The following CHDH variants were observed in gnomAD, a reference collection of about 807,000 sequenced individuals.
The protein encoded by CHDH is choline dehydrogenase, mitochondrial.
CHDH carries 43 observed loss-of-function variants against 56.9 expected under a neutral mutation model. That is an observed-to-expected ratio of 0.76 (90% CI 0.59 to 0.97). The LOEUF is 0.97. Ranked by LOEUF, CHDH falls within the 50% of genes least tolerant of loss-of-function variation. CHDH has a pLI of 0.00. For missense variants in CHDH, 816 were observed against 821.1 expected, an observed-to-expected ratio of 0.99 and a Z score of 0.08; for synonymous variants, 364 against 348.5, an observed-to-expected ratio of 1.04 and a Z score of -0.50.
chr3:53,833,916 G>A (rs1698416364), intron 2 of CHDH, among the ~76,000 whole-genome samples: 1 of 152,176 alleles, frequency 6.6e-6, no homozygotes, highest in Non-Finnish European at 1.5e-5. Flanking sequence ...CATCTGGCCG[G>A]CTGGCCTTGG....
At position 53,823,656 on chromosome 3, in the gene CHDH, C is replaced by A; in HGVS notation, c.353G>T (p.Arg118Leu). 6.5e-7 allele frequency: 1 copy of A among 1,545,514 alleles called. No individual in the cohort carries two copies. Among genetic ancestry groups the A allele is most frequent in the Non-Finnish European group, 8.7e-7 (1 of 1,146,380 alleles). Residue 118 changes from arginine (R) to leucine (L), a missense_variant, in exon 3 of 9, where the codon CGC becomes CTC. Physicochemically the swap from Arg to Leu is moderately radical, Grantham distance 102. Coordinates refer to ENST00000315251, the MANE Select transcript of CHDH (RefSeq NM_018397.5). ...GCGGCCGCGTGGCCAGTACAGCACG[C>A]GGCCGTCCAGGCCCCGCTGCACCTC... is the stretch of plus-strand genomic sequence containing the variant. ...HTEVQRGLDGRVLYWPRGRVW... is the reference protein window; with the variant it reads ...HTEVQRGLDGLVLYWPRGRVW...
chr3:53,818,253 G>A, intron 8 of CHDH, 58 bp from the exon 9 acceptor site: 1 of 1,445,642 alleles, frequency 6.9e-7, no homozygotes, highest in Non-Finnish European at 9.3e-7. Context: ...GGCCTCACTG[G>A]AAGATTCACG....
Position 53,841,372 on chromosome 3 carries a change from C to T in CHDH, c.-130-373G>A, listed in dbSNP as rs112829604. ...GTACTTCCTATAAACACATCACAGGCGCTGCAAAGCCTGTTTGATTTTCTG... is the reference window on the plus strand; with the variant it reads ...GTACTTCCTATAAACACATCACAGGTGCTGCAAAGCCTGTTTGATTTTCTG... On this transcript the variant is annotated intron_variant, in intron 1 of 8. Transcript: ENST00000315251. Among the ~76,000 whole-genome samples, 1,199 of 152,234 alleles carry T rather than the reference C, an allele frequency of 7.9e-3. 17 individuals carry two copies. The highest frequency in any genetic ancestry group is 0.028 in the African/African-American group (1,153 of 41,544).
chr3:53,828,752 G>A (rs1450367791), intron 2 of CHDH, among the ~76,000 whole-genome samples: 1 of 152,148 alleles, frequency 6.6e-6, no homozygotes. Flanking sequence ...AACATCACAT[G>A]CTGACAAGGA....
chr3:53,820,644 C>G, intron 5 of CHDH, 36 bp from the exon 6 acceptor site: 1 of 1,592,230 alleles, frequency 6.3e-7, no homozygotes, highest in Non-Finnish European at 8.5e-7. Flanking sequence ...AAATGGCTAC[C>G]AAGGGGGCTC....
intron 2 of CHDH, among the ~76,000 whole-genome samples, chr3:53,829,018 G>T (rs993427495): frequency 2.0e-5 from 3 of 152,100 alleles, no homozygotes; most frequent in Non-Finnish European, 2.9e-5. Flanking sequence ...GTAGGTGAAT[G>T]GATAAATAAA....
At chr3:53,824,979 C>G (rs1239124086) in intron 2 of CHDH, among the ~76,000 whole-genome samples, 1 of 152,218 alleles carries the variant, frequency 6.6e-6, no homozygotes, top group East Asian at 1.9e-4. Flanking sequence ...TGCAGAGGCT[C>G]TTTCTCCTCC....
Position 53,823,334 on chromosome 3 carries a change from G to A in CHDH, c.675C>T (p.Phe225=), listed in dbSNP as rs749966516. Residue 225 remains phenylalanine (F), a synonymous_variant, in exon 3 of 9, where the codon TTC becomes TTT. Coordinates refer to ENST00000315251, the MANE Select transcript of CHDH (RefSeq NM_018397.5). ...CATGGATGGTCATGTCCATCCAGCC[G>A]AAGCCCTCCTGCTGGAAGCCATTCA... ...EDMNGFQQEG[F]GWMDMTIHEG... 67 of 1,587,836 alleles carry A rather than the reference G, an allele frequency of 4.2e-5. No individual in the cohort carries two copies. Among genetic ancestry groups the A allele is most frequent in the Admixed American group, 2.6e-4 (15 of 56,658 alleles).
chr3:53,823,816 C>A lies in CHDH; in HGVS notation c.193G>T (p.Glu65Ter), dbSNP rs756292349. ...LAGRLTEDPAERVLLLEAGPK... is the reference protein window; with the variant it reads ...LAGRLTEDPA ...CCGGCCTCCAGCAGCAGCACGCGCT[C>A]GGCGGGGTCCTCCGTGAGCCTCCCA... The change falls in exon 3 of 9, where the codon GAG (glutamate) becomes TAG (stop). Residue 65 changes from glutamate (E) to a stop codon, truncating the protein, a stop_gained. Coordinates refer to ENST00000315251, the MANE Select transcript of CHDH (RefSeq NM_018397.5). LOFTEE classifies it high-confidence loss of function. 1.3e-6 allele frequency: 2 copies of A among 1,585,608 alleles called. No individual in the cohort carries two copies. Among genetic ancestry groups the A allele is most frequent in the Non-Finnish European group, 1.7e-6 (2 of 1,172,088 alleles).
intron 5 of CHDH, among the ~76,000 whole-genome samples, 180 bp from the exon 6 acceptor site, chr3:53,820,788 C>T (rs1034959367): frequency 1.3e-5 from 2 of 152,254 alleles, no homozygotes; most frequent in African/African-American, 4.8e-5. Flanking sequence ...CACTCCTGGC[C>T]AAGTCTGGCC....
Position 53,823,426 on chromosome 3 carries a change from T to C in CHDH, c.583A>G (p.Asn195Asp). Reference sequence around the variant, plus strand: ...AGGAATGCGCAGTGCAGCGGGTGGTTGGTCTTGCCCCGGGACACCCGCAGC... The same window carrying C: ...AGGAATGCGCAGTGCAGCGGGTGGTCGGTCTTGCCCCGGGACACCCGCAGC... ...GPLRVSRGKT[N>D]HPLHCAFLEA... Residue 195 changes from asparagine (N) to aspartate (D), a missense_variant, in exon 3 of 9, where the codon AAC (asparagine) becomes GAC (aspartate). Transcript: ENST00000315251. The C allele has an allele frequency of 6.3e-7, 1 of 1,587,022 alleles. No individual in the cohort carries two copies.
At chr3:53,840,249 G>A (rs946263093) in intron 2 of CHDH, among the ~76,000 whole-genome samples, 59 of 152,132 alleles carry the variant, frequency 3.9e-4, no homozygotes, top group Admixed American at 5.9e-4. Context: ...AATATTTAAG[G>A]GTGGCTCACA....
chr3:53,831,966 AAG>A (rs1242925424), intron 2 of CHDH, among the ~76,000 whole-genome samples: 176 of 151,908 alleles, frequency 1.2e-3, no homozygotes, highest in African/African-American at 4.2e-3. Context: ...AAAAAAAAAA[AAG>A]AAAGAAAAGT....
intron 2 of CHDH, among the ~76,000 whole-genome samples, chr3:53,833,887 C>A (rs1243529583): frequency 6.6e-6 from 1 of 152,204 alleles, no homozygotes; most frequent in Non-Finnish European, 1.5e-5. Flanking sequence ...ACTGGGCAGC[C>A]CCACCAAGCC....
intron 8 of CHDH, 42 bp from the exon 9 acceptor site, chr3:53,818,237 C>T (rs1247618065): frequency 1.1e-5 from 17 of 1,516,616 alleles, no homozygotes; most frequent in African/African-American, 8.3e-5. Flanking sequence ...TCCTTTTGCC[C>T]GTGCTGGCCT....
intron 2 of CHDH, among the ~76,000 whole-genome samples, chr3:53,840,666 G>C (rs1002675268): frequency 2.0e-5 from 3 of 152,130 alleles, no homozygotes; most frequent in Admixed American, 2.0e-4. Context: ...ATCTCTTCTG[G>C]CTAATTTTAT....
At chr3:53,835,624 A>G (rs1291825973) in intron 2 of CHDH, among the ~76,000 whole-genome samples, 1 of 152,244 alleles carries the variant, frequency 6.6e-6, no homozygotes, top group African/African-American at 2.4e-5. Flanking sequence ...GACCTCGAAC[A>G]AGATTCCCTA....
chr3:53,829,723 T>A (rs2106971027), intron 2 of CHDH, among the ~76,000 whole-genome samples: 1 of 152,334 alleles, frequency 6.6e-6, no homozygotes, highest in South Asian at 2.1e-4. Context: ...GTTCAAGTCA[T>A]GCAAATCCAA....
At chr3:53,826,362 A>G (rs1160782136) in intron 2 of CHDH, among the ~76,000 whole-genome samples, 1 of 152,126 alleles carries the variant, frequency 6.6e-6, no homozygotes, top group African/African-American at 2.4e-5. Context: ...GAACATAGAT[A>G]AAAACACTCA....
Sources: gnomAD v4.1 joint callset for allele counts (sites outside exome capture counted in the v4.1 genomes callset) on GRCh38, gnomAD v4.1.1 for gene constraint, MANE v1.5 for transcripts, NCBI Gene and HGNC (gene_info 2026-07-23, HGNC 2026-07-21) for gene names.